ANKFN1: variants seen among roughly 807,000 people sequenced by gnomAD.
ANKFN1 encodes the protein ankyrin repeat and fibronectin type III domain containing 1, also known as ankyrin repeat and fibronectin type-III domain-containing protein 1.
A neutral mutation model predicts 108.7 loss-of-function variants in ANKFN1; 74 were observed. The observed-to-expected ratio is 0.68, with a 90% confidence interval of 0.56 to 0.83. ANKFN1 has a LOEUF of 0.83. ANKFN1 is among the 40% of genes least tolerant of loss of function. The pLI is 0.00. For synonymous variants in ANKFN1, 547 were observed against 516.2 expected (o/e 1.06, Z -0.81); for missense variants, 1,505 against 1,382.3 (o/e 1.09, Z -1.41).
At chr17:56,331,209 A>T (rs1273924955) in intron 4 of ANKFN1, among the ~76,000 whole-genome samples, 2 of 152,158 alleles carry the variant, frequency 1.3e-5, no homozygotes, top group East Asian at 3.9e-4. Context: ...CTAATTCCAT[A>T]TGCATGGGAA....
At chr17:56,489,451 A>T (rs1301752992) in intron 18 of ANKFN1, among the ~76,000 whole-genome samples, 6 of 7,948 alleles carry the variant, frequency 7.5e-4, no homozygotes, top group Middle Eastern at 0.05. Flanking sequence ...GTCTGGATTT[A>T]AAAAAAAAAA....
intron 2 of ANKFN1, among the ~76,000 whole-genome samples, chr17:56,212,928 A>G (rs1403905031): frequency 1.3e-5 from 2 of 152,210 alleles, no homozygotes; most frequent in Non-Finnish European, 2.9e-5. Context: ...CAAGCCAGAA[A>G]CTAAGACTGG....
At chr17:56,268,074 C>A (rs901536749) in intron 3 of ANKFN1, among the ~76,000 whole-genome samples, 3 of 152,048 alleles carry the variant, frequency 2.0e-5, no homozygotes, top group African/African-American at 7.2e-5. Flanking sequence ...CAACATTTCA[C>A]CAAATGAACC....
intron 1 of ANKFN1, among the ~76,000 whole-genome samples, chr17:56,163,035 CAAAAAAAAAAAGAAAAAAA>C (rs1252011235): frequency 9.6e-6 from 1 of 104,396 alleles, no homozygotes; most frequent in African/African-American, 3.6e-5. Context: ...GACTCCATCT[CAAAAAAAAAAAGAAAAAAA>C]GAAAAAAAAA....
intron 4 of ANKFN1, among the ~76,000 whole-genome samples, chr17:56,068,185 G>C (rs539109279): frequency 3.3e-5 from 5 of 152,074 alleles, no homozygotes; most frequent in African/African-American, 1.2e-4. Context: ...TAGTTCAAAG[G>C]TCACCCCTCT....
At chr17:56,456,838 G>A in intron 11 of ANKFN1, 23 bp from the exon 12 acceptor site, 1 of 1,601,414 alleles carries the variant, frequency 6.2e-7, no homozygotes, top group South Asian at 1.1e-5. Flanking sequence ...AATTTATACT[G>A]TATTTTTTAA....
chr17:56,467,795 A>AAAG (rs1568026362), intron 15 of ANKFN1, among the ~76,000 whole-genome samples: 244 of 17,346 alleles, frequency 0.014, 1 homozygote, highest in East Asian at 0.025. Flanking sequence ...AAGAAAGAAG[A>AAAG]AAGAAAGAAA....
chr17:56,335,854 G>T (rs2045793496), intron 4 of ANKFN1, among the ~76,000 whole-genome samples: 1 of 152,158 alleles, frequency 6.6e-6, no homozygotes. Flanking sequence ...CTGTGGGTTT[G>T]TCATAAATAG....
intron 8 of ANKFN1, among the ~76,000 whole-genome samples, chr17:56,417,803 A>AT (rs1166864592): frequency 6.6e-6 from 1 of 151,914 alleles, no homozygotes; most frequent in South Asian, 2.1e-4. Flanking sequence ...TAGACTTTCC[A>AT]TTTTTTTGCC....
intron 4 of ANKFN1, among the ~76,000 whole-genome samples, chr17:56,341,991 T>C (rs1488983284): frequency 6.6e-6 from 1 of 152,026 alleles, no homozygotes; most frequent in Non-Finnish European, 1.5e-5. Context: ...GAACTCATTA[T>C]TGGCCTCTTC....
intron 8 of ANKFN1, among the ~76,000 whole-genome samples, chr17:56,408,641 G>C (rs1375959257): frequency 6.6e-6 from 1 of 152,144 alleles, no homozygotes. Context: ...ACTAATGAAA[G>C]ATTTTATTTC....
At chr17:56,166,808 C>T (rs1910167351) in intron 1 of ANKFN1, among the ~76,000 whole-genome samples, 1 of 151,978 alleles carries the variant, frequency 6.6e-6, no homozygotes, top group Admixed American at 6.6e-5. Flanking sequence ...AACCCTATAC[C>T]CCCTCTCTGA....
chr17:56,129,867 A>G (rs1463388848), intron 4 of ANKFN1, among the ~76,000 whole-genome samples: 1 of 152,228 alleles, frequency 6.6e-6, no homozygotes, highest in Non-Finnish European at 1.5e-5. Context: ...GAACAAATTC[A>G]TGCTTTTATT....
intron 3 of ANKFN1, among the ~76,000 whole-genome samples, chr17:56,235,927 C>G (rs1211185748): frequency 6.6e-6 from 1 of 152,150 alleles, no homozygotes; most frequent in East Asian, 1.9e-4. Flanking sequence ...AGCACTGAAT[C>G]TGCAAATCAC....
chr17:56,311,492 T>C (rs2045024893), intron 3 of ANKFN1, among the ~76,000 whole-genome samples: 1 of 152,240 alleles, frequency 6.6e-6, no homozygotes, highest in South Asian at 2.1e-4. Context: ...TACGTTATAT[T>C]TTCACTGTAT....
intron 1 of ANKFN1, among the ~76,000 whole-genome samples, chr17:56,189,264 G>A (rs1043221100): frequency 2.2e-5 from 3 of 134,600 alleles, no homozygotes; most frequent in South Asian, 2.5e-4. Flanking sequence ...TCCGCCTCCC[G>A]GGTTCACGCC....
At chr17:56,317,466 A>C (rs2045241644) in intron 3 of ANKFN1, among the ~76,000 whole-genome samples, 1 of 152,172 alleles carries the variant, frequency 6.6e-6, no homozygotes. Flanking sequence ...CCATTGTGAA[A>C]TGTTTGTTTG....
intron 3 of ANKFN1, among the ~76,000 whole-genome samples, chr17:56,244,742 G>A (rs1395041185): frequency 2.0e-5 from 3 of 152,124 alleles, no homozygotes; most frequent in Non-Finnish European, 2.9e-5. Context: ...GGTATAGAGC[G>A]TAAAGAGACC....
chr17:56,489,839 T>C (rs1422647309), intron 18 of ANKFN1, among the ~76,000 whole-genome samples: 1 of 152,136 alleles, frequency 6.6e-6, no homozygotes, highest in Non-Finnish European at 1.5e-5. Flanking sequence ...AATCCCTCCT[T>C]GAAAGGCATA....
Sources: allele counts gnomAD v4.1 joint callset (sites outside exome capture counted in the v4.1 genomes callset), GRCh38; gene constraint gnomAD v4.1.1; transcripts MANE v1.5; gene names NCBI Gene and HGNC (gene_info 2026-07-23, HGNC 2026-07-21).